DIDO1: variants seen among roughly 807,000 people sequenced by gnomAD.
DIDO1 encodes death-inducer obliterator 1.
A neutral mutation model predicts 99.4 loss-of-function variants in DIDO1; 16 were observed. The observed-to-expected ratio is 0.16, with a 90% CI of 0.11 to 0.24. The LOEUF (loss-of-function observed/expected upper bound fraction) is 0.24, where lower values mean the gene tolerates loss of function less well. Among genes scored for constraint, DIDO1 ranks in the 10% least tolerant of loss-of-function variants. The probability of loss-of-function intolerance (pLI) is 1.00; values close to 1 mark genes in which losing one functional copy is unlikely to be tolerated. For missense variants in DIDO1, 2,996 were observed against 3,014.0 expected (o/e 0.99, Z 0.14); for synonymous variants, 1,366 against 1,239.1 (o/e 1.10, Z -2.15).
chr20:62,906,576 A>C (rs1461106321), intron 5 of DIDO1, among the ~76,000 whole-genome samples: 1 of 152,168 alleles, frequency 6.6e-6, no homozygotes, highest in Non-Finnish European at 1.5e-5. Flanking sequence ...ATAATCAAGA[A>C]AACTCCCTGA....
upstream of DIDO1, among the ~76,000 whole-genome samples, chr20:62,928,469 A>G (rs2065289170): frequency 6.6e-6 from 1 of 151,672 alleles, no homozygotes; most frequent in East Asian, 1.9e-4. Context: ...CAGACTATCC[A>G]CTCTGGCCTT....
chr20:62,891,235 C>A, intron 14 of DIDO1, 80 bp from the exon 15 acceptor site: 2 of 1,588,950 alleles, frequency 1.3e-6, no homozygotes, highest in South Asian at 1.1e-5. Context: ...CTGCTTTCAA[C>A]AGGAAACCTT....
At chr20:62,900,413 AG>A (rs2064641765) in intron 6 of DIDO1, among the ~76,000 whole-genome samples, 3 of 152,336 alleles carry the variant, frequency 2.0e-5, no homozygotes, top group Admixed American at 2.0e-4. Flanking sequence ...TGGGTGCTAC[AG>A]CGCCTCTGGC....
chr20:62,897,796 C>T (rs542523975), intron 6 of DIDO1, among the ~76,000 whole-genome samples: 4 of 152,202 alleles, frequency 2.6e-5, no homozygotes, highest in Non-Finnish European at 4.4e-5. Context: ...CAAAGGCCCT[C>T]GAGCAGGGGA....
chr20:62,919,163 C>A (rs895893560), intron 1 of DIDO1, among the ~76,000 whole-genome samples: 1 of 152,230 alleles, frequency 6.6e-6, no homozygotes, highest in Non-Finnish European at 1.5e-5. Context: ...AGTATCTATG[C>A]AGAATCTGAC....
At position 62,878,565 on chromosome 20, in the gene DIDO1, T is replaced by C. The variant is rs1397687921; in HGVS notation, c.*668A>G. ...TTTAGGCTGGTAAAACTTAACATTT[T>C]TCAATAAATTGTTATTTAAAATGCA... On this transcript the variant is annotated 3_prime_UTR_variant, in exon 16 of 16. Transcript: ENST00000395343. 6.6e-6 allele frequency: 1 copy of C among 152,206 alleles called. No individual in the cohort carries two copies. The highest frequency in any genetic ancestry group is 2.4e-5 in the African/African-American group (1 of 41,442). 9.4% of individuals were successfully genotyped at this position (152,206 alleles called of 1,614,324 possible).
chr20:62,904,948 C>T (rs2064768724), intron 6 of DIDO1: 1 of 971,416 alleles, frequency 1.0e-6, no homozygotes, highest in African/African-American at 1.8e-5. Context: ...ACTATTTAAC[C>T]TTTCGGTGCT....
At chr20:62,890,107 C>T (rs1304564540) in intron 15 of DIDO1, 1 of 985,854 alleles carries the variant, frequency 1.0e-6, no homozygotes, top group Admixed American at 6.1e-5. Flanking sequence ...GTGACAGGGA[C>T]AGAGGGCACT....
chr20:62,887,257 C>T, intron 15 of DIDO1: 1 of 985,502 alleles, frequency 1.0e-6, no homozygotes. Flanking sequence ...GAAGGCAGTA[C>T]ATTCCATTCA....
intron 6 of DIDO1, chr20:62,905,081 T>C (rs2064770922): frequency 1.0e-6 from 1 of 992,088 alleles, no homozygotes; most frequent in Admixed American, 5.7e-5. Flanking sequence ...ATCTGAGGTT[T>C]CAAAGATCTG....
intron 1 of DIDO1, among the ~76,000 whole-genome samples, chr20:62,922,731 T>TGGCGAG (rs1396728480): frequency 2.0e-5 from 3 of 152,196 alleles, no homozygotes; most frequent in Non-Finnish European, 4.4e-5. Context: ...CAGCCTGTGC[T>TGGCGAG]GGCGAGGGCT....
At chr20:62,901,842 T>TTA (rs748036824) in intron 6 of DIDO1, among the ~76,000 whole-genome samples, 36 of 151,300 alleles carry the variant, frequency 2.4e-4, no homozygotes, top group Non-Finnish European at 4.1e-4. Flanking sequence ...AAACCTAGTA[T>TTA]TATTTTACAA....
At position 62,878,887 on chromosome 20, in the gene DIDO1, A is replaced by C. The variant is rs960208071; in HGVS notation, c.*346T>G. ...AAGCAGCTTTTGGAAACACAAACGG[A>C]TGAGATGTCAGTGAAGGTATGGCTC... On this transcript the variant is annotated 3_prime_UTR_variant, in exon 16 of 16. Coordinates refer to ENST00000395343, the MANE Select transcript of DIDO1 (RefSeq NM_001193369.2). 1.6e-5 allele frequency: 3 copies of C among 190,366 alleles called. No individual in the cohort carries two copies. Among genetic ancestry groups the C allele is most frequent in the Non-Finnish European group, 3.2e-5 (3 of 94,270 alleles). The allele number at this position is 190,366 out of a possible 1,614,324, so 11.8% of individuals were successfully genotyped here.
At chr20:62,882,477 G>T in intron 15 of DIDO1, 63 bp from the exon 16 acceptor site, 1 of 1,478,364 alleles carries the variant, frequency 6.8e-7, no homozygotes, top group East Asian at 2.3e-5. Flanking sequence ...CTTTAGAGGT[G>T]AATTTCATTA....
In DIDO1 at chr20:62,881,732, G is replaced by A. The variant is rs146696480; in HGVS notation, c.4224C>T (p.His1408=). The A allele has an allele frequency of 1.7e-5, 28 of 1,612,824 alleles. No individual in the cohort carries two copies. Among genetic ancestry groups the A allele is most frequent in the African/African-American group, 5.3e-5 (4 of 74,890 alleles). ...DTQLVERGRR[H]EVERAPEAAA... ...CTGCTTCAGGAGCCCTTTCCACCTC[G>A]TGGCGCCGCCCTCGCTCCACAAGCT... The change falls in exon 16 of 16, where the codon CAC becomes CAT. Residue 1408 remains histidine (H), a synonymous_variant. Transcript: ENST00000395343. The surrounding 1 kb of genome is among the most constrained non-coding windows in gnomAD (Gnocchi z 8.3).
rs140747835 is a variant in DIDO1 at position 62,891,069 on chromosome 20, G to T, written c.3432C>A (p.Gly1144=). Residue 1144 remains glycine (G), a synonymous_variant, in exon 15 of 16, where the codon GGC becomes GGA. Coordinates refer to ENST00000395343, the MANE Select transcript of DIDO1 (RefSeq NM_001193369.2). The part of the protein sequence containing the change: ...ISLYSYFSSR[G]RFGVVANNNR... ...TGTTATTAGCTACAACACCAAAGCG[G>T]CCACGGCTGCTGAAATAGGAGTAGA... 1.1e-4 allele frequency: 181 copies of T among 1,614,186 alleles called. No individual in the cohort carries two copies. The highest frequency in any genetic ancestry group is 1.1e-4 in the Non-Finnish European group (135 of 1,180,046).
At chr20:62,905,855 G>T in intron 6 of DIDO1, 32 bp downstream of exon 6, 1 of 1,614,110 alleles carries the variant, frequency 6.2e-7, no homozygotes, top group South Asian at 1.1e-5. Flanking sequence ...AACGGGAGGG[G>T]TCCAGGAGGC....
At position 62,909,781 on chromosome 20, in the gene DIDO1, G is replaced by C. The variant is rs1353644090; in HGVS notation, c.1079C>G (p.Ser360Cys). 2 of 1,614,250 alleles carry C rather than the reference G, an allele frequency of 1.2e-6. No homozygotes were observed. The highest frequency in any genetic ancestry group is 2.7e-5 in the African/African-American group (2 of 75,068). Reference sequence around the variant, plus strand: ...ACCCTTTATCCCTTGGTCTTCGCTAGACTTCTGCTCTATTGTTCCTATACT... The same window carrying C: ...ACCCTTTATCCCTTGGTCTTCGCTACACTTCTGCTCTATTGTTCCTATACT... ...CTSIGTIEQK[S>C]SEDQGIKGRI... The change falls in exon 4 of 16, where the codon TCT (serine) becomes TGT (cysteine). Residue 360 changes from serine (S) to cysteine (C), a missense_variant. By Grantham distance (112) the Ser-to-Cys change is moderately radical. This residue lies in a region of DIDO1 where 898 missense variants were observed against 972.7 expected (regional missense o/e 0.92). Transcript: ENST00000395343.
rs887762274 is a variant in DIDO1, at chr20:62,877,771, T to G, written c.*1462A>C. 2 of 152,168 alleles carry G rather than the reference T, an allele frequency of 1.3e-5. No individual in the cohort carries two copies. The highest frequency in any genetic ancestry group is 2.9e-5 in the Non-Finnish European group (2 of 68,030). The allele number at this position is 152,168 out of a possible 1,614,324, so 9.4% of individuals were successfully genotyped here. The stretch of plus-strand genomic sequence containing the variant: ...CTGTAGCTGTTTATTCTACTGCGAG[T>G]AACAAAACCTAGGTCGTTCCATGTT... On this transcript the variant is annotated 3_prime_UTR_variant, in exon 16 of 16. Coordinates refer to ENST00000395343, the MANE Select transcript of DIDO1 (RefSeq NM_001193369.2).
Sources: allele counts gnomAD v4.1 joint callset (sites outside exome capture counted in the v4.1 genomes callset), GRCh38; gene constraint gnomAD v4.1.1; regional missense constraint gnomAD v4.1.1; non-coding constraint Gnocchi (gnomAD v3.1); transcripts MANE v1.5; gene names NCBI Gene and HGNC (gene_info 2026-07-23, HGNC 2026-07-21).